The following LGR5 variants were observed in gnomAD, a reference collection of about 807,000 sequenced individuals.
The protein encoded by LGR5 is leucine rich repeat containing G protein-coupled receptor 5, also known as leucine-rich repeat-containing G protein-coupled receptor 5.
Under a neutral mutation model 76.7 loss-of-function variants are expected in LGR5, and 54 were observed. The observed-to-expected ratio is 0.70, with a 90% CI of 0.57 to 0.88. The LOEUF is 0.88. Ranked by LOEUF, LGR5 falls within the 40% of genes least tolerant of loss-of-function variation. The pLI is 0.00. For missense variants in LGR5, 1,078 were observed against 1,073.3 expected, an observed-to-expected ratio of 1.00 and a Z score of -0.06; for synonymous variants, 406 against 421.9, an observed-to-expected ratio of 0.96 and a Z score of 0.46.
At chr12:71,531,220 A>G (rs1876291921) in intron 3 of LGR5, among the ~76,000 whole-genome samples, 1 of 152,210 alleles carries the variant, frequency 6.6e-6, no homozygotes, top group Non-Finnish European at 1.5e-5. Context: ...CAGTATCTTT[A>G]TATTGCATGT....
At position 71,583,781 on chromosome 12, in the gene LGR5, C is replaced by A; in HGVS notation, c.1771C>A (p.Pro591Thr). 6.2e-7 allele frequency: 1 copy of A among 1,614,098 alleles called. No individual in the cohort carries two copies. Among genetic ancestry groups the A allele is most frequent in the South Asian group, 1.1e-5 (1 of 91,080 alleles). ...TTTCAGATCCCCTCTGTACATTTCC[C>A]CCATTAAACTGTTAATTGGGGTCAT... ...TVFRSPLYIS[P>T]IKLLIGVIAA... Residue 591 changes from proline (P) to threonine (T), a missense_variant, in exon 18 of 18, where the codon CCC (proline) becomes ACC (threonine). Pro to Thr is a conservative substitution (Grantham distance 38). Coordinates refer to ENST00000266674, the MANE Select transcript of LGR5 (RefSeq NM_003667.4).
Position 71,584,666 on chromosome 12 carries a change from C to A in LGR5, c.2656C>A (p.Pro886Thr), listed in dbSNP as rs768379980. The change falls in exon 18 of 18, where the codon CCA becomes ACA. Residue 886 changes from proline (P) to threonine (T), a missense_variant. Transcript: ENST00000266674. The part of the protein sequence containing the change: ...ITYDLPPSSV[P>T]SPAYPVTESC... ...TTATGACCTGCCTCCCAGTTCCGTG[C>A]CATCACCAGCTTATCCAGTGACTGA... The A allele has an allele frequency of 6.8e-6, 11 of 1,614,130 alleles. No individual in the cohort carries two copies. The South Asian group carries it at 1.2e-4, about 18-fold the overall frequency.
intron 4 of LGR5, among the ~76,000 whole-genome samples, chr12:71,546,182 G>A (rs925427776): frequency 3.3e-5 from 5 of 152,100 alleles, no homozygotes; most frequent in Non-Finnish European, 5.9e-5. Flanking sequence ...GGGTGTGGTG[G>A]CATGCACCTA....
intron 2 of LGR5, among the ~76,000 whole-genome samples, chr12:71,505,539 A>AT (rs1282027862): frequency 6.6e-6 from 1 of 152,176 alleles, no homozygotes; most frequent in Non-Finnish European, 1.5e-5. Context: ...TATTTTCTTT[A>AT]TAAATCCTGA....
chr12:71,480,336 A>AGAT (rs1490235579), intron 1 of LGR5, among the ~76,000 whole-genome samples: 1 of 148,638 alleles, frequency 6.7e-6, no homozygotes, highest in East Asian at 2.0e-4. Flanking sequence ...ACTCCAGCCT[A>AGAT]GATGACAGAA....
rs111572541 is a variant in LGR5 at position 71,504,610 on chromosome 12, C to T, written c.213-4C>T. 2.9e-5 allele frequency: 47 copies of T among 1,613,606 alleles called. No homozygotes were observed. In the African/African-American group the frequency reaches 4.0e-4, roughly 14 times the overall value. ...CCTCACACGCTGTCTGTTTTCCCCC[C>T]CAGAGACCTCAGTATGAACAACATC... On this transcript the variant is annotated splice_region_variant and splice_polypyrimidine_tract_variant and intron_variant, in intron 1 of 17. Coordinates refer to ENST00000266674, the MANE Select transcript of LGR5 (RefSeq NM_003667.4).
chr12:71,493,365 G>A (rs1036096148), intron 1 of LGR5, among the ~76,000 whole-genome samples: 1 of 151,202 alleles, frequency 6.6e-6, no homozygotes, highest in Non-Finnish European at 1.5e-5. Flanking sequence ...GAAACACAGG[G>A]TCATAGACTC....
intron 1 of LGR5, among the ~76,000 whole-genome samples, chr12:71,446,407 G>T (rs1871993682): frequency 6.6e-6 from 1 of 152,152 alleles, no homozygotes; most frequent in Non-Finnish European, 1.5e-5. Flanking sequence ...TTTCCTAAGT[G>T]TTCGGCACTA....
At position 71,479,578 on chromosome 12, in the gene LGR5, G is replaced by C. The variant is rs1268791429; in HGVS notation, c.213-25036G>C. On this transcript the variant is annotated intron_variant, in intron 1 of 17. Coordinates refer to ENST00000266674, the MANE Select transcript of LGR5 (RefSeq NM_003667.4). ...AGAGGAGGGAGGCAGGGAGAGGCAG[G>C]AAGAAGAGCAAGGAAAGGACATATT... 2.4e-4 allele frequency among the ~76,000 whole-genome samples: 36 copies of C among 152,076 alleles called. 1 individual carries two copies. Among genetic ancestry groups the C allele is most frequent in the Admixed American group, 2.1e-3 (32 of 15,262 alleles).
chr12:71,557,974 T>C (rs546470015), intron 6 of LGR5, among the ~76,000 whole-genome samples: 1 of 151,270 alleles, frequency 6.6e-6, no homozygotes, highest in South Asian at 2.1e-4. Flanking sequence ...TCAATTCAGC[T>C]TCTAACCAGA....
chr12:71,511,708 T>G (rs1875166760), intron 2 of LGR5, among the ~76,000 whole-genome samples: 1 of 152,084 alleles, frequency 6.6e-6, no homozygotes, highest in African/African-American at 2.4e-5. Context: ...CCATCAATAC[T>G]TCAAAACTCA....
At chr12:71,577,186 T>A (rs927622382) in intron 13 of LGR5, among the ~76,000 whole-genome samples, 1 of 152,242 alleles carries the variant, frequency 6.6e-6, no homozygotes, top group Non-Finnish European at 1.5e-5. Flanking sequence ...GTTAGTCATT[T>A]ACAAAAATTA....
At chr12:71,517,078 G>T (rs1035431607) in intron 2 of LGR5, among the ~76,000 whole-genome samples, 4 of 151,142 alleles carry the variant, frequency 2.6e-5, no homozygotes, top group Admixed American at 2.0e-4. Context: ...GCAAACTGTT[G>T]TAGTTCAAAT....
chr12:71,451,358 C>T (rs1003400301), intron 1 of LGR5, among the ~76,000 whole-genome samples: 1 of 152,188 alleles, frequency 6.6e-6, no homozygotes, highest in African/African-American at 2.4e-5. Flanking sequence ...TTAGGCCAAA[C>T]TTAGAATATG....
At position 71,535,184 on chromosome 12, in the gene LGR5, C is replaced by T. The variant is rs960652775; in HGVS notation, c.426C>T (p.Ser142=). 1.3e-6 allele frequency: 2 copies of T among 1,595,128 alleles called. No individual in the cohort carries two copies. Among genetic ancestry groups the T allele is most frequent in the Non-Finnish European group, 1.7e-6 (2 of 1,163,322 alleles). ...TGCAGAATTTGCGAAGCCTTCAATCCCTGTAAGTATAGTAGACATTGCAAA... is the reference window on the plus strand; with the variant it reads ...TGCAGAATTTGCGAAGCCTTCAATCTCTGTAAGTATAGTAGACATTGCAAA... ...EALQNLRSLQ[S]LRLDANHISY... Residue 142 remains serine, a splice_region_variant and synonymous_variant, in exon 4 of 18, where the codon TCC becomes TCT. Coordinates refer to ENST00000266674, the MANE Select transcript of LGR5 (RefSeq NM_003667.4).
chr12:71,547,567 CACTT>C (rs1877247760), intron 4 of LGR5, among the ~76,000 whole-genome samples: 1 of 152,210 alleles, frequency 6.6e-6, no homozygotes, highest in African/African-American at 2.4e-5. Flanking sequence ...CGTATTTTCT[CACTT>C]AATTCCCAAA....
At chr12:71,486,825 G>A (rs1274223362) in intron 1 of LGR5, among the ~76,000 whole-genome samples, 6 of 148,302 alleles carry the variant, frequency 4.0e-5, no homozygotes. Context: ...ACTTCTAGCT[G>A]AGAAAAAAAA....
rs564656569 is a variant in LGR5, at chr12:71,485,199, T to C, written c.213-19415T>C. ...TTATTATAATGATAATAATAGCAAA[T>C]ATGTAGTGTTTATAATGTACTAGGT... On this transcript the variant is annotated intron_variant, in intron 1 of 17. Transcript: ENST00000266674. Among the ~76,000 whole-genome samples the C allele has an allele frequency of 1.4e-4, 22 of 152,236 alleles. No individual in the cohort carries two copies. The East Asian group carries it at 4.2e-3, about 29-fold the overall frequency.
chr12:71,479,138 T>G (rs1873471202), intron 1 of LGR5, among the ~76,000 whole-genome samples: 1 of 150,940 alleles, frequency 6.6e-6, no homozygotes, highest in Admixed American at 6.6e-5. Context: ...TACGTTTTAT[T>G]GGCTTCCTTT....
Sources: allele counts gnomAD v4.1 joint callset (sites outside exome capture counted in the v4.1 genomes callset), GRCh38; gene constraint gnomAD v4.1.1; transcripts MANE v1.5; gene names NCBI Gene and HGNC (gene_info 2026-07-23, HGNC 2026-07-21).